ZC3H12B: variants seen among roughly 807,000 people sequenced by gnomAD.
The protein encoded by ZC3H12B is probable ribonuclease ZC3H12B.
In ZC3H12B, 7 loss-of-function variants were observed where a neutral mutation model predicts 43.9. That is an observed-to-expected ratio of 0.16 (90% CI 0.09 to 0.30). The LOEUF (loss-of-function observed/expected upper bound fraction) is 0.30. Ranked by LOEUF, ZC3H12B falls within the 10% of genes least tolerant of loss-of-function variation. The probability of loss-of-function intolerance (pLI) is 1.00; values close to 1 mark genes in which losing one functional copy is unlikely to be tolerated. For synonymous variants in ZC3H12B, 222 were observed against 241.7 expected (o/e 0.92, Z 0.76); for missense variants, 475 against 670.2 (o/e 0.71, Z 3.22).
the ZC3H12B span, among the ~76,000 whole-genome samples, chrX:65,037,090 G>A: frequency 9.1e-5 from 10 of 109,325 alleles, no homozygotes; most frequent in African/African-American, 3.3e-4. Context: ...AACAGAAACA[G>A]CAATTTACCA....
chrX:65,414,315 T>C (rs1185303933), intron 3 of ZC3H12B, among the ~76,000 whole-genome samples: 3 of 110,859 alleles, frequency 2.7e-5, no homozygotes, highest in Non-Finnish European at 5.7e-5. Flanking sequence ...AATTCTTCTT[T>C]AGATGTTTGT....
the ZC3H12B span, among the ~76,000 whole-genome samples, chrX:65,322,153 G>A: frequency 9.0e-6 from 1 of 111,532 alleles, no homozygotes; most frequent in East Asian, 2.8e-4. Flanking sequence ...GTCATGCAAG[G>A]ATCACATGGT....
chrX:65,107,876 G>A, the ZC3H12B span, among the ~76,000 whole-genome samples: 2 of 111,124 alleles, frequency 1.8e-5, no homozygotes, highest in Non-Finnish European at 3.8e-5. Flanking sequence ...AGCAGCATTA[G>A]AATGGACTAA....
chrX:65,037,748 A>T, the ZC3H12B span, among the ~76,000 whole-genome samples: 4 of 111,194 alleles, frequency 3.6e-5, no homozygotes, highest in African/African-American at 1.3e-4. Context: ...ATTTCTTGAT[A>T]AAATAAATTA....
At chrX:65,263,519 GA>G in the ZC3H12B span, among the ~76,000 whole-genome samples, 1 of 111,170 alleles carries the variant, frequency 9.0e-6, no homozygotes, top group East Asian at 2.8e-4. Flanking sequence ...AATAGTCCAG[GA>G]AACTGGAACA....
the ZC3H12B span, among the ~76,000 whole-genome samples, chrX:65,203,089 T>C: frequency 5.4e-5 from 6 of 112,026 alleles, no homozygotes; most frequent in African/African-American, 1.9e-4. Context: ...TGCTCTTCAG[T>C]CAGCTTTTGT....
the ZC3H12B span, among the ~76,000 whole-genome samples, chrX:65,077,817 G>T: frequency 8.9e-6 from 1 of 112,075 alleles, no homozygotes; most frequent in Non-Finnish European, 1.9e-5. Context: ...GAGGTAAAAA[G>T]AAAACTCAGG....
the ZC3H12B span, among the ~76,000 whole-genome samples, chrX:65,212,651 ATATAT>A: frequency 1.9e-3 from 165 of 86,451 alleles, 1 homozygote; most frequent in African/African-American, 6.5e-3. Flanking sequence ...ATTATATATC[ATATAT>A]TATATATAAA....
At chrX:65,328,603 G>A in the ZC3H12B span, 1 of 158,570 alleles carries the variant, frequency 6.3e-6, no homozygotes, top group African/African-American at 3.4e-5. Flanking sequence ...TGTGCACCAT[G>A]TGCAGGTTTG....
At chrX:65,463,269 A>C (rs2067775691) in intron 3 of ZC3H12B, among the ~76,000 whole-genome samples, 1 of 112,120 alleles carries the variant, frequency 8.9e-6, no homozygotes, top group African/African-American at 3.2e-5. Context: ...TGAATCTAAA[A>C]TAAATGGAGA....
chrX:65,458,819 C>T (rs767061957), intron 3 of ZC3H12B, among the ~76,000 whole-genome samples: 5 of 111,135 alleles, frequency 4.5e-5, no homozygotes, highest in African/African-American at 1.6e-4. Context: ...CAAGAGGAAA[C>T]GCATTCAAAA....
chrX:65,076,431 G>C, the ZC3H12B span, among the ~76,000 whole-genome samples: 3 of 111,480 alleles, frequency 2.7e-5, no homozygotes, highest in African/African-American at 9.8e-5. Context: ...GAGCCACCAT[G>C]CCTGGCTTGT....
intron 3 of ZC3H12B, among the ~76,000 whole-genome samples, chrX:65,436,250 T>A (rs1323346009): frequency 9.0e-6 from 1 of 111,537 alleles, no homozygotes; most frequent in African/African-American, 3.3e-5. Context: ...TTCAATAACC[T>A]CCCACTAGGC....
At chrX:65,163,223 G>A in the ZC3H12B span, among the ~76,000 whole-genome samples, 1 of 111,473 alleles carries the variant, frequency 9.0e-6, no homozygotes, top group Non-Finnish European at 1.9e-5. Flanking sequence ...CAGGGGTCAG[G>A]GACCCACTTG....
chrX:65,212,082 T>C, the ZC3H12B span, among the ~76,000 whole-genome samples: 1 of 60,272 alleles, frequency 1.7e-5, no homozygotes, highest in Non-Finnish European at 2.7e-5. Context: ...ATATAGTATA[T>C]ATTGTATAAT....
At chrX:65,191,952 C>G in the ZC3H12B span, among the ~76,000 whole-genome samples, 1 of 105,903 alleles carries the variant, frequency 9.4e-6, no homozygotes, top group African/African-American at 3.5e-5. Flanking sequence ...CTATAAATTT[C>G]CCTCTACACA....
At chrX:65,224,033 A>G in the ZC3H12B span, among the ~76,000 whole-genome samples, 2 of 112,674 alleles carry the variant, frequency 1.8e-5, no homozygotes, top group Non-Finnish European at 3.8e-5. Context: ...TCACAATTGC[A>G]AAAATATGGA....
chrX:65,369,845 G>T (rs780115887), intron 2 of ZC3H12B, among the ~76,000 whole-genome samples: 6 of 111,876 alleles, frequency 5.4e-5, no homozygotes, highest in South Asian at 3.7e-4. Flanking sequence ...GCAATGCAAG[G>T]TTAATTCTGA....
At chrX:65,441,563 G>A (rs1449943624) in intron 3 of ZC3H12B, among the ~76,000 whole-genome samples, 3 of 111,740 alleles carry the variant, frequency 2.7e-5, no homozygotes, top group Non-Finnish European at 3.8e-5. Flanking sequence ...TGTGCTATGC[G>A]CTCTCCTGGC....
Sources: allele counts gnomAD v4.1 joint callset (sites outside exome capture counted in the v4.1 genomes callset), GRCh38; gene constraint gnomAD v4.1.1; transcripts MANE v1.5; gene names NCBI Gene and HGNC (gene_info 2026-07-23, HGNC 2026-07-21).